VAPB: variants seen among roughly 807,000 people sequenced by gnomAD.
VAPB encodes vesicle-associated membrane protein-associated protein B/C.
Under a neutral mutation model 25.6 loss-of-function variants are expected in VAPB, and 7 were observed. The observed-to-expected ratio is 0.27, with a 90% confidence interval of 0.16 to 0.51. The LOEUF (loss-of-function observed/expected upper bound fraction) is 0.51, where lower values mean the gene tolerates loss of function less well. Ranked by LOEUF, VAPB falls within the 20% of genes least tolerant of loss-of-function variation. The pLI is 0.97. For missense variants in VAPB, 266 were observed against 301.3 expected, an observed-to-expected ratio of 0.88 and a Z score of 0.87; for synonymous variants, 112 against 109.2, an observed-to-expected ratio of 1.03 and a Z score of -0.16.
At chr20:58,398,232 G>A (rs770153608) in intron 1 of VAPB, among the ~76,000 whole-genome samples, 2 of 152,208 alleles carry the variant, frequency 1.3e-5, no homozygotes, top group Non-Finnish European at 2.9e-5. Context: ...CCTGGGAAGA[G>A]ATCAAAATTC....
intron 1 of VAPB, chr20:58,390,370 G>A (rs2123007611): frequency 6.8e-6 from 1 of 146,132 alleles, no homozygotes; most frequent in South Asian, 2.1e-4. Context: ...TTTCTATGTT[G>A]TTACTTTTGT....
rs762966953 is a variant in VAPB at position 58,447,742 on chromosome 20, T to C, written c.*3507T>C. The C allele has an allele frequency of 3.1e-5, 14 of 453,856 alleles. 1 individual carries two copies. Among genetic ancestry groups the C allele is most frequent in the South Asian group, 2.2e-4 (14 of 64,482 alleles). The allele number at this position is 453,856 out of a possible 1,614,324, so 28.1% of individuals were successfully genotyped here. A position where few individuals can be genotyped will look rare whatever the true frequency, so the allele number is the denominator to read the frequency against. On this transcript the variant is annotated 3_prime_UTR_variant, in exon 6 of 6. Transcript: ENST00000475243. ...GTTTTCAAATCGTGCCTATATTTTTTTGCATACACAAATTTTTGTGTTTGC... is the reference window on the plus strand; with the variant it reads ...GTTTTCAAATCGTGCCTATATTTTTCTGCATACACAAATTTTTGTGTTTGC...
At chr20:58,406,591 C>A (rs1988234757) in intron 1 of VAPB, among the ~76,000 whole-genome samples, 2 of 152,180 alleles carry the variant, frequency 1.3e-5, no homozygotes, top group Admixed American at 1.3e-4. Context: ...TAAACTTGTT[C>A]TTCTCCCCTG....
In VAPB at chr20:58,450,302, C is replaced by CT. The variant is rs1568727100; in HGVS notation, c.*6072dup. The CT allele has an allele frequency of 2.2e-6, 1 of 453,896 alleles. No individual in the cohort carries two copies. Among genetic ancestry groups the CT allele is most frequent in the African/African-American group, 2.0e-5 (1 of 50,070 alleles). 28.1% of individuals were successfully genotyped at this position (453,896 alleles called of 1,614,324 possible). On this transcript the variant is annotated 3_prime_UTR_variant, in exon 6 of 6. Coordinates refer to ENST00000475243, the MANE Select transcript of VAPB (RefSeq NM_004738.5). ...ATTGAGACCATGTGTACAAGAACTA[C>CT]TTTTTGCTTTTCATCATTCACTCCT...
intron 2 of VAPB, among the ~76,000 whole-genome samples, chr20:58,421,300 C>G (rs994577268): frequency 3.3e-5 from 5 of 152,194 alleles, no homozygotes; most frequent in African/African-American, 7.2e-5. Flanking sequence ...GTTCGTTGTT[C>G]TTCCACTAGC....
At chr20:58,413,973 G>T (rs1364210678) in intron 1 of VAPB, among the ~76,000 whole-genome samples, 1 of 14,440 alleles carries the variant, frequency 6.9e-5, no homozygotes, top group East Asian at 1.7e-3. Context: ...CCTCCCTCCC[G>T]GACGGGGCAG....
chr20:58,390,434 T>C (rs567591005), intron 1 of VAPB: 1 of 151,908 alleles, frequency 6.6e-6, no homozygotes, highest in Non-Finnish European at 1.5e-5. Flanking sequence ...AGTTCTTGTC[T>C]GACATGCTCA....
chr20:58,416,279 A>G (rs1384858570), intron 1 of VAPB, among the ~76,000 whole-genome samples: 1 of 152,150 alleles, frequency 6.6e-6, no homozygotes, highest in Non-Finnish European at 1.5e-5. Flanking sequence ...GATGTAATAG[A>G]TTAACCTGGG....
Position 58,444,474 on chromosome 20 carries a change from A to T in VAPB, c.*239A>T. The T allele has an allele frequency of 1.6e-6, 1 of 633,414 alleles. No homozygotes were observed. Among genetic ancestry groups the T allele is most frequent in the Non-Finnish European group, 2.9e-6 (1 of 344,052 alleles). The allele number at this position is 633,414 out of a possible 1,614,324, so 39.2% of individuals were successfully genotyped here. ...ATTGAGGGGGAAAAGAATGATCTTT[A>T]TTAATGACAAGGGAAACCATGAGTA... On this transcript the variant is annotated 3_prime_UTR_variant, in exon 6 of 6. Coordinates refer to ENST00000475243, the MANE Select transcript of VAPB (RefSeq NM_004738.5).
intron 2 of VAPB, among the ~76,000 whole-genome samples, chr20:58,427,338 CCG>C (rs1988816389): frequency 6.7e-6 from 1 of 150,166 alleles, no homozygotes; most frequent in Non-Finnish European, 1.5e-5. Context: ...CGAAAGTGAT[CCG>C]TGATCTGTTA....
intron 1 of VAPB, among the ~76,000 whole-genome samples, chr20:58,393,500 C>G (rs932796430): frequency 6.6e-6 from 1 of 152,132 alleles, no homozygotes; most frequent in African/African-American, 2.4e-5. Flanking sequence ...GAGAGCTTTC[C>G]GAATGAGTCA....
Position 58,438,988 on chromosome 20 carries a change from G to T in VAPB, c.359G>T (p.Arg120Ile). Residue 120 changes from arginine (R) to isoleucine (I), a missense_variant, in exon 4 of 6, where the codon AGA becomes ATA. Coordinates refer to ENST00000475243, the MANE Select transcript of VAPB (RefSeq NM_004738.5). ...KPEDLMDSKLRCVFELPAEND... is the reference protein window; with the variant it reads ...KPEDLMDSKLICVFELPAEND... ...GAAGACCTTATGGATTCAAAACTTAGATGTGTGTTTGAATTGCCAGCAGAG... is the reference window on the plus strand; with the variant it reads ...GAAGACCTTATGGATTCAAAACTTATATGTGTGTTTGAATTGCCAGCAGAG... 1 of 1,613,966 alleles carries T rather than the reference G, an allele frequency of 6.2e-7. No individual in the cohort carries two copies. The highest frequency in any genetic ancestry group is 1.1e-5 in the South Asian group (1 of 91,082).
Position 58,446,353 on chromosome 20 carries a change from A to C in VAPB, c.*2118A>C, listed in dbSNP as rs1989292521. The C allele has an allele frequency of 2.2e-6, 1 of 453,962 alleles. No individual in the cohort carries two copies. Among genetic ancestry groups the C allele is most frequent in the Admixed American group, 2.4e-5 (1 of 42,548 alleles). 28.1% of individuals were successfully genotyped at this position (453,962 alleles called of 1,614,324 possible). On this transcript the variant is annotated 3_prime_UTR_variant, in exon 6 of 6. Transcript: ENST00000475243. ...TAAGTCCTGTAGCTTCCAGGCCCTC[A>C]TGTCTTTGATAGGAGAGTGCTTAGG... is the stretch of plus-strand genomic sequence containing the variant.
At chr20:58,431,140 G>C (rs970802566) in intron 2 of VAPB, 1 of 152,222 alleles carries the variant, frequency 6.6e-6, no homozygotes, top group African/African-American at 2.4e-5. Flanking sequence ...AGCCATGTCT[G>C]TGACTTTTTG....
In VAPB at chr20:58,444,234, A is replaced by G; in HGVS notation, c.731A>G (p.Ter244TrpextTer2). Residue 244 changes from the stop codon to tryptophan, a stop_lost, in exon 6 of 6, where the codon TAG (stop) becomes TGG (tryptophan). Transcript: ENST00000475243. ...GTAATTATTGGGAAGATTGCCTTGT[A>G]GAGGTAGCATGCACAGGATGGTAAA... Reference protein sequence around the residue: ...VGVIIGKIAL* With the variant: ...VGVIIGKIALW 2 of 1,614,190 alleles carry G rather than the reference A, an allele frequency of 1.2e-6. No individual in the cohort carries two copies. Among genetic ancestry groups the G allele is most frequent in the Non-Finnish European group, 1.7e-6 (2 of 1,180,036 alleles).
At position 58,447,620 on chromosome 20, in the gene VAPB, G is replaced by A; in HGVS notation, c.*3385G>A. Reference sequence around the variant, plus strand: ...AATGTAGTGAGAGCTCAGAGCTACAGAGCCTTTCAGATGAATTTGAAAACA... The same window carrying A: ...AATGTAGTGAGAGCTCAGAGCTACAAAGCCTTTCAGATGAATTTGAAAACA... On this transcript the variant is annotated 3_prime_UTR_variant, in exon 6 of 6. Transcript: ENST00000475243. 1 of 453,876 alleles carries A rather than the reference G, an allele frequency of 2.2e-6. No individual in the cohort carries two copies. Among genetic ancestry groups the A allele is most frequent in the Non-Finnish European group, 4.4e-6 (1 of 226,768 alleles). The allele number at this position is 453,876 out of a possible 1,614,324, so 28.1% of individuals were successfully genotyped here.
Position 58,418,300 on chromosome 20 carries a change from C to T in VAPB, c.148C>T (p.Arg50Cys), listed in dbSNP as rs2123058826. The stretch of plus-strand genomic sequence containing the variant: ...TTTTAAGGTGAAGACTACAGCACCA[C>T]GTAGGTACTGTGTGAGGCCCAACAG... Reference protein sequence around the residue: ...VCFKVKTTAPRRYCVRPNSGI... With the variant: ...VCFKVKTTAPCRYCVRPNSGI... Residue 50 changes from arginine to cysteine, a missense_variant, in exon 2 of 6, where the codon CGT (arginine) becomes TGT (cysteine). By Grantham distance (180) the Arg-to-Cys change is radical. Coordinates refer to ENST00000475243, the MANE Select transcript of VAPB (RefSeq NM_004738.5). The T allele has an allele frequency of 2.5e-6, 4 of 1,614,158 alleles. No homozygotes were observed. Among genetic ancestry groups the T allele is most frequent in the Non-Finnish European group, 3.4e-6 (4 of 1,180,032 alleles).
intron 1 of VAPB, among the ~76,000 whole-genome samples, chr20:58,410,407 G>A (rs908330800): frequency 6.6e-6 from 1 of 151,710 alleles, no homozygotes; most frequent in Non-Finnish European, 1.5e-5. Flanking sequence ...TATCAACACC[G>A]TATTTATTTA....
intron 1 of VAPB, among the ~76,000 whole-genome samples, chr20:58,399,214 C>T (rs1028867282): frequency 6.6e-5 from 10 of 151,426 alleles, no homozygotes; most frequent in African/African-American, 2.2e-4. Flanking sequence ...GCAGGAGAAC[C>T]GCTTCAGCTG....
Sources: gnomAD v4.1 joint callset for allele counts (sites outside exome capture counted in the v4.1 genomes callset) on GRCh38, gnomAD v4.1.1 for gene constraint, MANE v1.5 for transcripts, NCBI Gene and HGNC (gene_info 2026-07-23, HGNC 2026-07-21) for gene names.